DNMT3A: variants seen among roughly 807,000 people sequenced by gnomAD.
The protein encoded by DNMT3A is DNA (cytosine-5)-methyltransferase 3A.
DNMT3A carries 267 observed loss-of-function variants against 117.6 expected under a neutral mutation model. The ratio of observed to expected loss-of-function variants is 2.27; its 90% CI spans 2.05 to 2.51. DNMT3A has a LOEUF of 2.51. Among genes scored for constraint, DNMT3A ranks in the 30% most tolerant of loss-of-function variants. DNMT3A has a pLI of 0.00. For synonymous variants in DNMT3A, 432 were observed against 474.8 expected, an observed-to-expected ratio of 0.91 and a Z score of 1.17; for missense variants, 1,029 against 1,260.2, an observed-to-expected ratio of 0.82 and a Z score of 2.78.
At chr2:25,292,048 A>G (rs1573440861) in intron 3 of DNMT3A, among the ~76,000 whole-genome samples, 1 of 152,278 alleles carries the variant, frequency 6.6e-6, no homozygotes, top group East Asian at 1.9e-4. Context: ...TGAGGTTGGG[A>G]GTTCGAGACC....
chr2:25,249,081 A>G (rs1376496961), intron 6 of DNMT3A, among the ~76,000 whole-genome samples: 2 of 152,178 alleles, frequency 1.3e-5, no homozygotes, highest in Admixed American at 6.5e-5. Context: ...AGACACAGAT[A>G]TTGGTTCCAC....
chr2:25,241,714 C>A lies in DNMT3A; in HGVS notation c.1937-7G>T. ...TCCTTCAGCACCAGGAGCCCTGCAC[C>A]AGCCAGCAGACAGCACCGTTACTTG... On this transcript the variant is annotated splice_polypyrimidine_tract_variant and splice_region_variant and intron_variant, in intron 16 of 22. Coordinates refer to ENST00000321117, the MANE Select transcript of DNMT3A (RefSeq NM_022552.5). 1 of 1,613,324 alleles carries A rather than the reference C, an allele frequency of 6.2e-7. No individual in the cohort carries two copies. Among genetic ancestry groups the A allele is most frequent in the East Asian group, 2.2e-5 (1 of 44,848 alleles).
At chr2:25,239,060 T>C in intron 20 of DNMT3A, 70 bp downstream of exon 20, 1 of 1,430,584 alleles carries the variant, frequency 7.0e-7, no homozygotes, top group Non-Finnish European at 9.7e-7. Flanking sequence ...GCTCAGGGGC[T>C]TCCCCACTAT....
At chr2:25,279,899 C>T (rs761831565) in intron 4 of DNMT3A, among the ~76,000 whole-genome samples, 1 of 152,032 alleles carries the variant, frequency 6.6e-6, no homozygotes, top group Non-Finnish European at 1.5e-5. Flanking sequence ...CTGTGTTGGC[C>T]CGGCTGGTCT....
chr2:25,247,105 C>T lies in DNMT3A; in HGVS notation c.1068G>A (p.Gln356=). Residue 356 remains glutamine (Q), a synonymous_variant, in exon 9 of 23, where the codon CAG becomes CAA. Transcript: ENST00000321117. The surrounding 1 kb of genome is among the most constrained non-coding windows in gnomAD (Gnocchi z 5.6). ...PLSSFCSAFH[Q]ATYNKQPMYR... ...ACATGGGCTGCTTGTTGTACGTGGC[C>T]TGGTGGAACGCACTGCAAAACGAGC... The T allele has an allele frequency of 2.5e-6, 4 of 1,614,134 alleles. No individual in the cohort carries two copies. Among genetic ancestry groups the T allele is most frequent in the Non-Finnish European group, 3.4e-6 (4 of 1,180,020 alleles).
At chr2:25,287,738 C>G (rs1044092624) in intron 3 of DNMT3A, among the ~76,000 whole-genome samples, 5 of 151,752 alleles carry the variant, frequency 3.3e-5, no homozygotes, top group African/African-American at 9.7e-5. Flanking sequence ...CACCCCCGCC[C>G]CCAACAGAGA....
intron 16 of DNMT3A, among the ~76,000 whole-genome samples, chr2:25,242,779 C>T (rs1328017543): frequency 6.6e-6 from 1 of 152,156 alleles, no homozygotes; most frequent in Admixed American, 6.5e-5. Context: ...TCTCCTAGGA[C>T]GCTTTCTGCA....
intron 6 of DNMT3A, among the ~76,000 whole-genome samples, chr2:25,250,689 C>A (rs1675418150): frequency 1.3e-5 from 2 of 152,254 alleles, no homozygotes; most frequent in South Asian, 4.1e-4. Flanking sequence ...CGCCGCTGCT[C>A]CTCGCCCACC....
At position 25,309,983 on chromosome 2, in the gene DNMT3A, G is replaced by A. The variant is rs569648402; in HGVS notation, c.72+3930C>T. Among the ~76,000 whole-genome samples the A allele has an allele frequency of 1.3e-3, 199 of 152,324 alleles. 4 individuals are homozygous for A. The Middle Eastern group carries it at 0.068, about 52-fold the overall frequency. ...AGGCAGGAGAATGGCGTGAACCCGGGAGGCAGAGCTTGCAGTGAAACAAGA... is the reference window on the plus strand; with the variant it reads ...AGGCAGGAGAATGGCGTGAACCCGGAAGGCAGAGCTTGCAGTGAAACAAGA... On this transcript the variant is annotated intron_variant, in intron 2 of 22. Transcript: ENST00000321117.
chr2:25,242,444 A>T (rs1483430987), intron 16 of DNMT3A, among the ~76,000 whole-genome samples: 4 of 152,000 alleles, frequency 2.6e-5, no homozygotes, highest in Non-Finnish European at 5.9e-5. Context: ...TGCTCCCAAC[A>T]TGTCCCCCAG....
chr2:25,340,259 G>A (rs1196808736), intron 1 of DNMT3A, among the ~76,000 whole-genome samples: 1 of 152,150 alleles, frequency 6.6e-6, no homozygotes, highest in Non-Finnish European at 1.5e-5. Context: ...GGGAACCAGA[G>A]GGCACTGCTC....
chr2:25,332,720 C>G (rs1209746978), intron 1 of DNMT3A, among the ~76,000 whole-genome samples: 1 of 152,256 alleles, frequency 6.6e-6, no homozygotes, highest in Non-Finnish European at 1.5e-5. Flanking sequence ...TGCCCAGCCC[C>G]ACTGGGCTTC....
chr2:25,247,294 A>C lies in DNMT3A; in HGVS notation c.1015-136T>G. 2 of 898,444 alleles carry C rather than the reference A, an allele frequency of 2.2e-6. No individual in the cohort carries two copies. Among genetic ancestry groups the C allele is most frequent in the Non-Finnish European group, 1.7e-6 (1 of 582,826 alleles). The allele number at this position is 898,444 out of a possible 1,614,324, so 55.7% of individuals were successfully genotyped here. ...AGGGGACCAGATACAGTGATAAATA[A>C]TTACCCGATGCAAAGAGGAGTCCAG... On this transcript the variant is annotated intron_variant, in intron 8 of 22. Transcript: ENST00000321117. The surrounding 1 kb of genome is among the most constrained non-coding windows in gnomAD (Gnocchi z 5.6).
intron 3 of DNMT3A, among the ~76,000 whole-genome samples, chr2:25,284,645 T>TAAAAAAAAAAAAAAAAAA (rs56901099): frequency 6.0e-5 from 1 of 16,646 alleles, no homozygotes; most frequent in Non-Finnish European, 9.7e-5. Flanking sequence ...AGACTCCATC[T>TAAAAAAAAAAAAAAAAAA]AAAAAAAAAA....
In DNMT3A at chr2:25,247,629, G is replaced by C; in HGVS notation, c.976C>G (p.Arg326Gly). 1 of 1,613,780 alleles carries C rather than the reference G, an allele frequency of 6.2e-7. No individual in the cohort carries two copies. The highest frequency in any genetic ancestry group is 8.5e-7 in the Non-Finnish European group (1 of 1,179,906). Residue 326 changes from arginine to glycine, a missense_variant, in exon 8 of 23, where the codon CGC becomes GGC. Transcript: ENST00000321117. The surrounding 1 kb of genome is among the most constrained non-coding windows in gnomAD (Gnocchi z 5.6). ...CCGTCTCCGAACCACATGACCCAGC[G>C]GGTGCCTTCAGCTGCTCGGCTCCGG... ...TGRSRAAEGT[R>G]WVMWFGDGKF...
At chr2:25,244,102 A>G (rs1674417495) in intron 15 of DNMT3A, 53 bp downstream of exon 15, 1 of 1,611,570 alleles carries the variant, frequency 6.2e-7, no homozygotes, top group Non-Finnish European at 8.5e-7. Flanking sequence ...CAGGCCCCAC[A>G]ACCAAGGCTC....
At chr2:25,265,471 G>A (rs143324887) in intron 6 of DNMT3A, among the ~76,000 whole-genome samples, 24 of 152,278 alleles carry the variant, frequency 1.6e-4, no homozygotes, top group South Asian at 8.3e-4. Flanking sequence ...CCATGTGGCC[G>A]CAACCTACTT....
At position 25,239,188 on chromosome 2, in the gene DNMT3A, C is replaced by A; in HGVS notation, c.2350G>T (p.Glu784Ter). Residue 784 changes from glutamate to a stop codon, truncating the protein, a stop_gained, in exon 20 of 23, where the codon GAA (glutamate) becomes TAA (stop). Coordinates refer to ENST00000321117, the MANE Select transcript of DNMT3A (RefSeq NM_022552.5). LOFTEE classifies it high-confidence loss of function. ...CGGGCCCTGTGTGCAGCTGACACTT[C>A]TTTGGCATCAATCATCACAGGGTTG... The part of the protein sequence containing the change: ...ESNPVMIDAK[E>*]VSAAHRARYF... The A allele has an allele frequency of 1.2e-6, 2 of 1,614,082 alleles. No homozygotes were observed. The highest frequency in any genetic ancestry group is 1.7e-6 in the Non-Finnish European group (2 of 1,179,964).
chr2:25,313,782 G>A, intron 2 of DNMT3A, 131 bp downstream of exon 2: 2 of 1,355,242 alleles, frequency 1.5e-6, no homozygotes, highest in Non-Finnish European at 2.0e-6. Flanking sequence ...GGGATGTGAT[G>A]GTCCCACACC....
Sources: allele counts gnomAD v4.1 joint callset (sites outside exome capture counted in the v4.1 genomes callset), GRCh38; gene constraint gnomAD v4.1.1; non-coding constraint Gnocchi (gnomAD v3.1); transcripts MANE v1.5; gene names NCBI Gene and HGNC (gene_info 2026-07-23, HGNC 2026-07-21).